Variants in TENM4 observed in about 807,000 individuals in gnomAD.
TENM4 encodes teneurin-4.
Under a neutral mutation model 243.3 loss-of-function variants are expected in TENM4, and 82 were observed. That is an observed-to-expected ratio of 0.34 (90% CI 0.28 to 0.40). The LOEUF is 0.40. Among genes scored for constraint, TENM4 ranks in the 10% least tolerant of loss-of-function variants. TENM4 has a pLI of 1.00. For synonymous variants in TENM4, 1,412 were observed against 1,456.3 expected, an observed-to-expected ratio of 0.97 and a Z score of 0.69; for missense variants, 3,138 against 3,673.3, an observed-to-expected ratio of 0.85 and a Z score of 3.77.
At chr11:79,028,070 C>A (rs773901099) in intron 6 of TENM4, among the ~76,000 whole-genome samples, 2 of 152,182 alleles carry the variant, frequency 1.3e-5, no homozygotes, top group Non-Finnish European at 2.9e-5. Context: ...TGAAACCCAA[C>A]TCTGCCACTG....
intron 6 of TENM4, among the ~76,000 whole-genome samples, chr11:78,912,180 A>G (rs1299837420): frequency 6.6e-6 from 1 of 152,210 alleles, no homozygotes; most frequent in Non-Finnish European, 1.5e-5. Flanking sequence ...AATGGACCAC[A>G]AAGAGAGATG....
chr11:78,889,766 G>A lies in TENM4; in HGVS notation c.1084+19C>T. On this transcript the variant is annotated intron_variant, in intron 9 of 33. Coordinates refer to ENST00000278550, the MANE Select transcript of TENM4 (RefSeq NM_001098816.3). ...GGGCCAAAGAGGAGCAAGGGGAGCT[G>A]GGGTGAAGAGGTGCTTACCCACAAA... 2 of 1,550,200 alleles carry A rather than the reference G, an allele frequency of 1.3e-6. No homozygotes were observed. The highest frequency in any genetic ancestry group is 1.7e-6 in the Non-Finnish European group (2 of 1,145,558).
chr11:78,826,541 G>C (rs1217901624), intron 12 of TENM4, among the ~76,000 whole-genome samples: 1 of 152,114 alleles, frequency 6.6e-6, no homozygotes, highest in East Asian at 1.9e-4. Context: ...GGCCTGGACT[G>C]CTGCATCAGC....
In TENM4 at chr11:78,702,011, T is replaced by C; in HGVS notation, c.4602A>G (p.Ala1534=). 6.2e-7 allele frequency: 1 copy of C among 1,613,992 alleles called. No individual in the cohort carries two copies. The highest frequency in any genetic ancestry group is 8.5e-7 in the Non-Finnish European group (1 of 1,179,864). The change falls in exon 28 of 34, where the codon GCA becomes GCG. Residue 1534 remains alanine (A), a synonymous_variant. Coordinates refer to ENST00000278550, the MANE Select transcript of TENM4 (RefSeq NM_001098816.3). ...FSGDDGYAKD[A]KLNTPSSLAV... Reference sequence around the variant, plus strand: ...CCAAGGAAGATGGGGTATTTAACTTTGCATCCTTGGCATAACCATCGTCTC... The same window carrying C: ...CCAAGGAAGATGGGGTATTTAACTTCGCATCCTTGGCATAACCATCGTCTC...
intron 6 of TENM4, among the ~76,000 whole-genome samples, chr11:78,910,078 A>G (rs1386964276): frequency 6.6e-6 from 1 of 152,200 alleles, no homozygotes; most frequent in African/African-American, 2.4e-5. Flanking sequence ...AGAAAAAGCC[A>G]TAAACTTCCA....
chr11:78,664,989 T>C (rs975149724), intron 32 of TENM4, among the ~76,000 whole-genome samples: 4 of 152,226 alleles, frequency 2.6e-5, no homozygotes, highest in Admixed American at 6.5e-5. Context: ...AGTGCTCCTC[T>C]GAAGAGCTGG....
chr11:78,865,519 G>C (rs1858948691), intron 9 of TENM4, among the ~76,000 whole-genome samples: 1 of 152,172 alleles, frequency 6.6e-6, no homozygotes, highest in Admixed American at 6.5e-5. Flanking sequence ...CAGTAACACA[G>C]GATCCTGTGA....
intron 6 of TENM4, among the ~76,000 whole-genome samples, chr11:78,977,370 G>A (rs1050499602): frequency 6.6e-6 from 1 of 152,208 alleles, no homozygotes; most frequent in African/African-American, 2.4e-5. Context: ...GCTGGGTGGT[G>A]GGTCAATAGT....
rs142854152 is a variant in TENM4, at chr11:79,160,317, T to C, written c.-162-11511A>G. Among the ~76,000 whole-genome samples, 1,087 of 152,308 alleles carry C rather than the reference T, an allele frequency of 7.1e-3. 13 individuals carry two copies. The highest frequency in any genetic ancestry group is 0.025 in the African/African-American group (1,032 of 41,560). On this transcript the variant is annotated intron_variant, in intron 3 of 33. Transcript: ENST00000278550. ...TACTGTTTTGACTTTCACCCTCTAA[T>C]GATAGAAAATTCTTTCCACAAACTC...
rs377214974 is a variant in TENM4, at chr11:78,807,962, T to G, written c.1979-2470A>C. 3.3e-5 allele frequency among the ~76,000 whole-genome samples: 5 copies of G among 152,340 alleles called. No homozygotes were observed. In the East Asian group the frequency reaches 7.7e-4, roughly 23 times the overall value. Reference sequence around the variant, plus strand: ...CTATGAGGAGCAAATGACATGATGATTTGAAAGGACCGTATAAACTGTTGC... The same window carrying G: ...CTATGAGGAGCAAATGACATGATGAGTTGAAAGGACCGTATAAACTGTTGC... On this transcript the variant is annotated intron_variant, in intron 14 of 33. Transcript: ENST00000278550.
chr11:79,138,426 T>TA (rs1862162455), intron 4 of TENM4, among the ~76,000 whole-genome samples: 1 of 116,680 alleles, frequency 8.6e-6, no homozygotes. Context: ...TATTATATTA[T>TA]ATATAAATAT....
intron 1 of TENM4, among the ~76,000 whole-genome samples, chr11:79,361,262 C>G (rs770965542): frequency 7.2e-5 from 11 of 152,172 alleles, no homozygotes; most frequent in Non-Finnish European, 1.0e-4. Flanking sequence ...ATCCTTTGTG[C>G]TTATTGCAGT....
At chr11:78,693,678 T>C (rs1858884063) in intron 28 of TENM4, among the ~76,000 whole-genome samples, 1 of 151,118 alleles carries the variant, frequency 6.6e-6, no homozygotes, top group South Asian at 2.1e-4. Context: ...TCATTCCATT[T>C]ATCCAAAGCA....
Position 79,064,990 on chromosome 11 carries a change from G to C in TENM4, c.241C>G (p.Arg81Gly). ...GTTACTTCTTCCAGCCCCAGCTCCC[G>C]CAGGGTGAAGTTGGCACCTGGGAGG... is the stretch of plus-strand genomic sequence containing the variant. Reference protein sequence around the residue: ...FCRTGANFTLRELGLEEVTPP... With the variant: ...FCRTGANFTLGELGLEEVTPP... The change falls in exon 6 of 34, where the codon CGG (arginine) becomes GGG (glycine). Residue 81 changes from arginine (R) to glycine (G), a missense_variant. Arg to Gly is a moderately radical substitution (Grantham distance 125). Around this residue, in one of 2 missense-constraint regions of TENM4, gnomAD observed 671 missense variants for 614.1 expected, o/e 1.09. Transcript: ENST00000278550. The C allele has an allele frequency of 6.8e-7, 1 of 1,462,034 alleles. No homozygotes were observed. Among genetic ancestry groups the C allele is most frequent in the African/African-American group, 1.4e-5 (1 of 70,530 alleles). 90.6% of individuals were successfully genotyped at this position (1,462,034 alleles called of 1,614,324 possible). A position where few individuals can be genotyped will look rare whatever the true frequency, so the allele number is the denominator to read the frequency against.
intron 9 of TENM4, among the ~76,000 whole-genome samples, chr11:78,865,347 A>T (rs745466072): frequency 2.0e-5 from 3 of 152,200 alleles, no homozygotes; most frequent in African/African-American, 7.2e-5. Flanking sequence ...AACTCTTCCA[A>T]TCCTGAAAAC....
At chr11:79,241,573 T>G (rs1281993662) in intron 2 of TENM4, among the ~76,000 whole-genome samples, 1 of 152,192 alleles carries the variant, frequency 6.6e-6, no homozygotes, top group Non-Finnish European at 1.5e-5. Context: ...TGATAGTACT[T>G]AAATCACAGA....
In TENM4 at chr11:79,148,732, G is replaced by T. The variant is rs1565224392; in HGVS notation, c.-88C>A. The T allele has an allele frequency of 2.1e-6, 2 of 973,412 alleles. No homozygotes were observed. The highest frequency in any genetic ancestry group is 2.4e-6 in the Non-Finnish European group (2 of 818,984). 60.3% of individuals were successfully genotyped at this position (973,412 alleles called of 1,614,324 possible). A position where few individuals can be genotyped will look rare whatever the true frequency, so the allele number is the denominator to read the frequency against. ...CACTTTTCTTTAAATCTTCTTAAAA[G>T]GGTCTAAGAATAGTCCTTCAAATAA... On this transcript the variant is annotated 5_prime_UTR_variant, in exon 4 of 34. Transcript: ENST00000278550.
intron 1 of TENM4, among the ~76,000 whole-genome samples, chr11:79,411,223 C>G (rs112068371): frequency 6.6e-5 from 10 of 152,260 alleles, no homozygotes; most frequent in African/African-American, 2.4e-4. Context: ...ATTAGGCTCC[C>G]TAGAAATCTA....
chr11:78,756,948 G>A lies in TENM4; in HGVS notation c.2613C>T (p.Gly871=). Residue 871 remains glycine (G), a synonymous_variant, in exon 19 of 34, where the codon GGC becomes GGT. Coordinates refer to ENST00000278550, the MANE Select transcript of TENM4 (RefSeq NM_001098816.3). ...PLCHINPLCL[G]SPNPLDIIQE... ...GGATGATGTCCAGAGGGTTAGGGGAGCCAAGGCACAGCGGGTTGATATGGC... is the reference window on the plus strand; with the variant it reads ...GGATGATGTCCAGAGGGTTAGGGGAACCAAGGCACAGCGGGTTGATATGGC... 1 of 1,614,000 alleles carries A rather than the reference G, an allele frequency of 6.2e-7. No individual in the cohort carries two copies. The highest frequency in any genetic ancestry group is 1.1e-5 in the South Asian group (1 of 91,074).
Sources: allele counts gnomAD v4.1 joint callset (sites outside exome capture counted in the v4.1 genomes callset), GRCh38; gene constraint gnomAD v4.1.1; regional missense constraint gnomAD v4.1.1; transcripts MANE v1.5; gene names NCBI Gene and HGNC (gene_info 2026-07-23, HGNC 2026-07-21).